KHDRBS2: variants seen among roughly 807,000 people sequenced by gnomAD.
The protein encoded by KHDRBS2 is KH RNA binding domain containing, signal transduction associated 2.
A neutral mutation model predicts 44.3 loss-of-function variants in KHDRBS2; 26 were observed. The ratio of observed to expected loss-of-function variants is 0.59; its 90% CI spans 0.43 to 0.81. The LOEUF (loss-of-function observed/expected upper bound fraction) is 0.81. Ranked by LOEUF, KHDRBS2 falls within the 40% of genes least tolerant of loss-of-function variation. KHDRBS2 has a pLI of 0.00. For missense variants in KHDRBS2, 476 were observed against 433.1 expected (o/e 1.10, Z -0.88); for synonymous variants, 194 against 151.1 (o/e 1.28, Z -2.08).
downstream of KHDRBS2, among the ~76,000 whole-genome samples, chr6:61,678,568 G>T (rs562336746): frequency 1.3e-5 from 2 of 151,820 alleles, no homozygotes; most frequent in African/African-American, 2.4e-5. Flanking sequence ...GTTTTATTGC[G>T]CTTTCTTTGT....
intron 6 of KHDRBS2, among the ~76,000 whole-genome samples, chr6:61,892,398 C>A (rs1460269837): frequency 6.6e-6 from 1 of 152,134 alleles, no homozygotes; most frequent in East Asian, 1.9e-4. Context: ...TTGGAAAAAA[C>A]TACTTTAAAG....
At chr6:62,185,518 A>T (rs1364010121) in intron 1 of KHDRBS2, among the ~76,000 whole-genome samples, 2 of 151,980 alleles carry the variant, frequency 1.3e-5, no homozygotes, top group African/African-American at 4.8e-5. Flanking sequence ...TATTGAAGGC[A>T]TAAGAGACTG....
chr6:62,070,276 T>C (rs896659854), intron 2 of KHDRBS2, among the ~76,000 whole-genome samples: 1 of 151,752 alleles, frequency 6.6e-6, no homozygotes, highest in Non-Finnish European at 1.5e-5. Context: ...TCTGTCTTTG[T>C]CTGGTTTTGG....
At chr6:62,250,626 C>T (rs1263229782) in intron 1 of KHDRBS2, among the ~76,000 whole-genome samples, 1 of 151,840 alleles carries the variant, frequency 6.6e-6, no homozygotes, top group East Asian at 1.9e-4. Context: ...GGAGGGAGTG[C>T]TGTAGTTGGA....
the KHDRBS2 span, among the ~76,000 whole-genome samples, chr6:61,576,262 A>T: frequency 1.3e-5 from 2 of 152,126 alleles, no homozygotes; most frequent in Non-Finnish European, 2.9e-5. Flanking sequence ...AATTTATTTT[A>T]TCAGTGTTTT....
At chr6:61,609,200 A>G in the KHDRBS2 span, among the ~76,000 whole-genome samples, 1 of 152,148 alleles carries the variant, frequency 6.6e-6, no homozygotes, top group Non-Finnish European at 1.5e-5. Flanking sequence ...TCTACCAAAA[A>G]TACAAAAAAT....
chr6:61,909,057 G>A (rs1365706934), intron 4 of KHDRBS2, among the ~76,000 whole-genome samples: 11 of 151,602 alleles, frequency 7.3e-5, no homozygotes, highest in Admixed American at 1.3e-4. Flanking sequence ...TAGCACATGC[G>A]TATCATATAT....
chr6:62,207,113 C>A (rs1169719687), intron 1 of KHDRBS2, among the ~76,000 whole-genome samples: 1 of 151,986 alleles, frequency 6.6e-6, no homozygotes, highest in Non-Finnish European at 1.5e-5. Flanking sequence ...TACTTCCTAT[C>A]TGTGAGTTGC....
chr6:61,774,337 C>A (rs886767071), intron 6 of KHDRBS2, among the ~76,000 whole-genome samples: 1 of 151,570 alleles, frequency 6.6e-6, no homozygotes, highest in Non-Finnish European at 1.5e-5. Flanking sequence ...TGTAGTTCTC[C>A]TTGAAGAGGT....
At chr6:62,284,672 T>C (rs1430300906) in intron 1 of KHDRBS2, among the ~76,000 whole-genome samples, 1 of 152,158 alleles carries the variant, frequency 6.6e-6, no homozygotes, top group Admixed American at 6.5e-5. Context: ...TTCCATGTTT[T>C]GAATATAAAT....
the KHDRBS2 span, among the ~76,000 whole-genome samples, chr6:61,637,909 A>C: frequency 1.5e-3 from 226 of 151,946 alleles, no homozygotes; most frequent in African/African-American, 5.2e-3. Flanking sequence ...AATTTGTTTG[A>C]GTTCATTGTA....
At chr6:62,150,013 CACAGCTCTGTGGCTGGT>C (rs1253626548) in intron 2 of KHDRBS2, among the ~76,000 whole-genome samples, 1 of 152,110 alleles carries the variant, frequency 6.6e-6, no homozygotes, top group Non-Finnish European at 1.5e-5. Flanking sequence ...ATGTAAAACA[CACAGCTCTGTGGCTGGT>C]ACAGAGTACA....
intron 1 of KHDRBS2, among the ~76,000 whole-genome samples, chr6:62,183,724 A>C (rs1441191237): frequency 6.6e-6 from 1 of 151,612 alleles, no homozygotes; most frequent in Non-Finnish European, 1.5e-5. Context: ...CTGTGAAGAA[A>C]ATATTTTTTG....
the KHDRBS2 span, among the ~76,000 whole-genome samples, chr6:61,590,662 T>C: frequency 6.6e-6 from 1 of 152,180 alleles, no homozygotes; most frequent in Non-Finnish European, 1.5e-5. Flanking sequence ...CTTATGTGAA[T>C]TTACTTTCTG....
At chr6:62,066,116 A>T (rs1383393077) in intron 2 of KHDRBS2, among the ~76,000 whole-genome samples, 1 of 150,336 alleles carries the variant, frequency 6.7e-6, no homozygotes, top group Admixed American at 6.7e-5. Flanking sequence ...TTTTACTCAA[A>T]AAGATTCATT....
At chr6:62,193,748 G>A (rs1052111420) in intron 1 of KHDRBS2, among the ~76,000 whole-genome samples, 1 of 152,006 alleles carries the variant, frequency 6.6e-6, no homozygotes, top group Non-Finnish European at 1.5e-5. Context: ...ACTTGCTATT[G>A]TCTGTCTTTA....
chr6:61,578,486 T>A, the KHDRBS2 span, among the ~76,000 whole-genome samples: 11 of 152,114 alleles, frequency 7.2e-5, no homozygotes, highest in Non-Finnish European at 1.2e-4. Flanking sequence ...GCTTCTTGTA[T>A]CTCCACAGCA....
At chr6:62,207,914 A>T (rs115953950) in intron 1 of KHDRBS2, among the ~76,000 whole-genome samples, 1 of 152,154 alleles carries the variant, frequency 6.6e-6, no homozygotes, top group East Asian at 1.9e-4. Flanking sequence ...TGACAAGAGC[A>T]ACTAAAATCT....
At chr6:62,105,219 T>C (rs1802894822) in intron 2 of KHDRBS2, among the ~76,000 whole-genome samples, 4 of 152,156 alleles carry the variant, frequency 2.6e-5, no homozygotes, top group Admixed American at 2.6e-4. Flanking sequence ...ATGCTAATTC[T>C]ACACCAATTC....
Sources: gnomAD v4.1 joint callset for allele counts (sites outside exome capture counted in the v4.1 genomes callset) on GRCh38, gnomAD v4.1.1 for gene constraint, MANE v1.5 for transcripts, NCBI Gene and HGNC (gene_info 2026-07-23, HGNC 2026-07-21) for gene names.